RBPMS: variants seen among roughly 807,000 people sequenced by gnomAD.
RBPMS encodes RNA binding protein, mRNA processing factor, also known as RNA-binding protein with multiple splicing.
A neutral mutation model predicts 26.8 loss-of-function variants in RBPMS; 7 were observed. The observed-to-expected ratio is 0.26, with a 90% CI of 0.15 to 0.49. RBPMS has a LOEUF of 0.49. Among genes scored for constraint, RBPMS ranks in the 20% least tolerant of loss-of-function variants. The pLI is 0.98. For synonymous variants in RBPMS, 96 were observed against 93.3 expected, an observed-to-expected ratio of 1.03 and a Z score of -0.17; for missense variants, 186 against 250.0, an observed-to-expected ratio of 0.74 and a Z score of 1.73.
chr8:30,543,253 CA>C (rs1825570641), intron 5 of RBPMS, among the ~76,000 whole-genome samples: 1 of 152,194 alleles, frequency 6.6e-6, no homozygotes, highest in Non-Finnish European at 1.5e-5. Context: ...AAGCCTCACA[CA>C]GGTTCTGCTA....
At chr8:30,526,824 T>C (rs1823638324) in intron 5 of RBPMS, among the ~76,000 whole-genome samples, 1 of 152,154 alleles carries the variant, frequency 6.6e-6, no homozygotes, top group African/African-American at 2.4e-5. Flanking sequence ...TCAAAAGGTA[T>C]TGGGAGGTAT....
intron 1 of RBPMS, among the ~76,000 whole-genome samples, chr8:30,388,871 C>G (rs1010867321): frequency 1.1e-4 from 16 of 151,940 alleles, no homozygotes; most frequent in African/African-American, 3.9e-4. Flanking sequence ...ACTAAAAAAG[C>G]AAAAAACGTG....
intron 1 of RBPMS, among the ~76,000 whole-genome samples, chr8:30,419,412 C>T (rs1484459680): frequency 6.7e-6 from 1 of 148,486 alleles, no homozygotes; most frequent in Non-Finnish European, 1.5e-5. Context: ...TGCCATTGCA[C>T]TCCAGCCTGG....
intron 6 of RBPMS, chr8:30,547,337 C>T (rs1453776464): frequency 2.5e-6 from 4 of 1,613,812 alleles, no homozygotes; most frequent in Non-Finnish European, 3.4e-6. Context: ...CTTTTGTCCA[C>T]TTCTCCAGCA....
At chr8:30,544,395 C>CGACAGTGATTGGG in intron 5 of RBPMS, 99 bp from the exon 6 acceptor site, 2 of 1,193,732 alleles carry the variant, frequency 1.7e-6, no homozygotes, top group Non-Finnish European at 2.4e-6. Flanking sequence ...ATTTGACTTC[C>CGACAGTGATTGGG]GACAGTGATT....
intron 1 of RBPMS, among the ~76,000 whole-genome samples, chr8:30,423,975 C>T (rs1811091024): frequency 6.6e-6 from 1 of 151,986 alleles, no homozygotes; most frequent in East Asian, 1.9e-4. Context: ...GTAGCTGGGA[C>T]CTCAGACGTG....
chr8:30,426,119 G>A (rs1394026043), intron 1 of RBPMS, among the ~76,000 whole-genome samples: 1 of 152,204 alleles, frequency 6.6e-6, no homozygotes, highest in Non-Finnish European at 1.5e-5. Context: ...ATCTGGCAGT[G>A]CCGGTGCTGA....
At chr8:30,534,395 G>A (rs966841925) in intron 5 of RBPMS, among the ~76,000 whole-genome samples, 9 of 152,190 alleles carry the variant, frequency 5.9e-5, no homozygotes, top group African/African-American at 1.9e-4. Context: ...TACTATACAC[G>A]TAAGCACAAA....
chr8:30,449,706 C>T (rs1458802607), intron 1 of RBPMS, among the ~76,000 whole-genome samples: 7 of 152,202 alleles, frequency 4.6e-5, no homozygotes, highest in Non-Finnish European at 5.9e-5. Flanking sequence ...GAAGCAAGCA[C>T]TGTCACCTGT....
chr8:30,444,078 G>A (rs188795187), intron 1 of RBPMS, among the ~76,000 whole-genome samples: 50 of 151,854 alleles, frequency 3.3e-4, no homozygotes, highest in African/African-American at 1.2e-3. Context: ...TGTGTTTTTA[G>A]TAGAGCCGGG....
At chr8:30,408,729 G>A (rs1808939385) in intron 1 of RBPMS, among the ~76,000 whole-genome samples, 1 of 152,114 alleles carries the variant, frequency 6.6e-6, no homozygotes, top group African/African-American at 2.4e-5. Context: ...TAAAATTCGA[G>A]TTAAAAAGTG....
intron 1 of RBPMS, among the ~76,000 whole-genome samples, chr8:30,410,912 A>C (rs1419226925): frequency 3.3e-5 from 5 of 151,776 alleles, no homozygotes; most frequent in Non-Finnish European, 7.4e-5. Flanking sequence ...ATTTAAAGAA[A>C]ATTTATTTTA....
intron 4 of RBPMS, 122 bp from the exon 5 acceptor site, chr8:30,504,162 ATG>A: frequency 1.1e-6 from 1 of 915,044 alleles, no homozygotes; most frequent in Non-Finnish European, 1.8e-6. Context: ...AGTAGTAAGA[ATG>A]AGAGTGGTTG....
intron 1 of RBPMS, among the ~76,000 whole-genome samples, chr8:30,439,884 T>C (rs1470207419): frequency 6.6e-6 from 1 of 151,472 alleles, no homozygotes; most frequent in African/African-American, 2.4e-5. Flanking sequence ...TTTTTATAAT[T>C]AAAAAAAAAT....
intron 5 of RBPMS, among the ~76,000 whole-genome samples, chr8:30,544,251 C>CA (rs1182055489): frequency 3.3e-5 from 5 of 152,204 alleles, no homozygotes; most frequent in African/African-American, 4.8e-5. Context: ...AGGCGGAGTC[C>CA]AGGCCTGAGA....
intron 5 of RBPMS, among the ~76,000 whole-genome samples, chr8:30,541,542 C>CA (rs1825389075): frequency 6.6e-6 from 1 of 152,150 alleles, no homozygotes; most frequent in African/African-American, 2.4e-5. Context: ...TAGGCCCAGA[C>CA]AAAAAAGCCC....
At chr8:30,512,883 C>CTCTTT (rs1435510110) in intron 5 of RBPMS, among the ~76,000 whole-genome samples, 7 of 152,250 alleles carry the variant, frequency 4.6e-5, no homozygotes. Context: ...GAGAGGAGTT[C>CTCTTT]AGTTAGTGGT....
intron 1 of RBPMS, among the ~76,000 whole-genome samples, chr8:30,425,487 G>A (rs542005706): frequency 2.0e-5 from 3 of 152,016 alleles, no homozygotes; most frequent in Non-Finnish European, 2.9e-5. Context: ...AACAACCTCC[G>A]CCTCCCTGGT....
chr8:30,393,378 A>G (rs1033205263), intron 1 of RBPMS, among the ~76,000 whole-genome samples: 1 of 148,900 alleles, frequency 6.7e-6, no homozygotes, highest in African/African-American at 2.4e-5. Flanking sequence ...GCTACCATAA[A>G]ATCTGGAGAG....
Sources: allele counts gnomAD v4.1 joint callset (sites outside exome capture counted in the v4.1 genomes callset), GRCh38; gene constraint gnomAD v4.1.1; transcripts MANE v1.5; gene names NCBI Gene and HGNC (gene_info 2026-07-23, HGNC 2026-07-21).